The following MMP24 variants were observed in gnomAD, a reference collection of about 807,000 sequenced individuals.
The protein encoded by MMP24 is matrix metallopeptidase 24.
In MMP24, 25 loss-of-function variants were observed where a neutral mutation model predicts 62.8. The observed-to-expected ratio is 0.40, with a 90% CI of 0.29 to 0.56. The LOEUF (loss-of-function observed/expected upper bound fraction) is 0.56, where lower values mean the gene tolerates loss of function less well. MMP24 is among the 20% of genes least tolerant of loss of function. MMP24 has a pLI of 0.50. For missense variants in MMP24, 634 were observed against 853.6 expected (o/e 0.74, Z 3.21); for synonymous variants, 319 against 350.5 (o/e 0.91, Z 1.00).
intron 2 of MMP24, among the ~76,000 whole-genome samples, chr20:35,248,532 T>G (rs896335998): frequency 1.3e-5 from 2 of 152,140 alleles, no homozygotes; most frequent in Non-Finnish European, 2.9e-5. Context: ...GGTCTCGAAC[T>G]CCTGACCTCA....
At chr20:35,249,836 G>A (rs1303269470) in intron 2 of MMP24, among the ~76,000 whole-genome samples, 1 of 151,806 alleles carries the variant, frequency 6.6e-6, no homozygotes, top group Non-Finnish European at 1.5e-5. Flanking sequence ...CTCGTGATCC[G>A]CCCGCCTCGG....
rs565362973 is a variant in MMP24, at chr20:35,272,964, CATT to C, written c.1600+1130_1600+1132del. Among the ~76,000 whole-genome samples, 27 of 152,234 alleles carry C rather than the reference CATT, an allele frequency of 1.8e-4. No individual in the cohort carries two copies. The East Asian group carries it at 3.3e-3, about 18-fold the overall frequency. The stretch of plus-strand genomic sequence containing the variant: ...ATATTTTAGCTGCTATCGTCATCAT[CATT>C]GTCATCATCATGGGTTTCAGTTTAT... On this transcript the variant is annotated intron_variant, in intron 8 of 8. Transcript: ENST00000246186.
rs2060705711 is a variant in MMP24 at position 35,276,331 on chromosome 20, G to C, written c.*1722G>C. On this transcript the variant is annotated 3_prime_UTR_variant, in exon 9 of 9. Coordinates refer to ENST00000246186, the MANE Select transcript of MMP24 (RefSeq NM_006690.4). Reference sequence around the variant, plus strand: ...AGGGAACAACTGCGGAGATATTAGTGATTCATAGGTTTGTACAGTGTTTTA... The same window carrying C: ...AGGGAACAACTGCGGAGATATTAGTCATTCATAGGTTTGTACAGTGTTTTA... 7.5e-6 allele frequency: 3 copies of C among 399,068 alleles called. No individual in the cohort carries two copies. Among genetic ancestry groups the C allele is most frequent in the Non-Finnish European group, 1.3e-5 (3 of 226,080 alleles). 24.7% of individuals were successfully genotyped at this position (399,068 alleles called of 1,614,324 possible).
At chr20:35,237,093 T>A (rs1866701844) in intron 1 of MMP24, among the ~76,000 whole-genome samples, 1 of 151,666 alleles carries the variant, frequency 6.6e-6, no homozygotes, top group African/African-American at 2.4e-5. Flanking sequence ...GAATAGACAA[T>A]AACATTGTAC....
At chr20:35,256,907 T>C (rs1261592335) in intron 4 of MMP24, among the ~76,000 whole-genome samples, 1 of 152,098 alleles carries the variant, frequency 6.6e-6, no homozygotes, top group African/African-American at 2.4e-5. Flanking sequence ...CTACCTGGCC[T>C]GATCATAAGA....
rs368003302 is a variant in MMP24 at position 35,263,643 on chromosome 20, G to T, written c.818-148G>T. The T allele has an allele frequency of 1.6e-4, 93 of 589,566 alleles. 1 individual carries two copies. The Middle Eastern group carries it at 2.8e-3, about 18-fold the overall frequency. 36.5% of individuals were successfully genotyped at this position (589,566 alleles called of 1,614,324 possible). On this transcript the variant is annotated intron_variant, in intron 4 of 8. Transcript: ENST00000246186. ...CTGCAGAGAGGCTTGGGAGGCAGGG[G>T]TTGTGCCTGATTTCTCTGTATGTCC... is the stretch of plus-strand genomic sequence containing the variant.
rs2060565686 is a variant in MMP24, at chr20:35,254,646, G to A, written c.709G>A (p.Gly237Arg). The change falls in exon 4 of 9, where the codon GGA becomes AGA. Residue 237 changes from glycine to arginine, a missense_variant. By Grantham distance (125) the Gly-to-Arg change is moderately radical (BLOSUM62 -2). Around this residue, in one of 3 missense-constraint regions of MMP24, gnomAD observed 23 missense variants for 63.1 expected, o/e 0.36. Transcript: ENST00000246186. ...CCATGGCGACAGCTCCCCATTTGATGGAGAAGGGGGATTCCTGGCCCATGC... is the reference window on the plus strand; with the variant it reads ...CCATGGCGACAGCTCCCCATTTGATAGAGAAGGGGGATTCCTGGCCCATGC... Reference protein sequence around the residue: ...GFHGDSSPFDGEGGFLAHAYF... With the variant: ...GFHGDSSPFDREGGFLAHAYF... 6.2e-7 allele frequency: 1 copy of A among 1,614,070 alleles called. No individual in the cohort carries two copies. The highest frequency in any genetic ancestry group is 1.7e-5 in the Admixed American group (1 of 60,002).
chr20:35,254,872 C>T lies in MMP24; in HGVS notation c.817+118C>T, dbSNP rs140555836. ...GAGCCTCTTGTCCAAGAACTAAGAC[C>T]GTAAGAGGGTGGGAACTGTGATTTC... is the stretch of plus-strand genomic sequence containing the variant. On this transcript the variant is annotated intron_variant, in intron 4 of 8. Transcript: ENST00000246186. 1,854 of 1,161,678 alleles carry T rather than the reference C, an allele frequency of 1.6e-3. 18 individuals are homozygous for T. In the African/African-American group the frequency reaches 0.025, roughly 16 times the overall value. 72.0% of individuals were successfully genotyped at this position (1,161,678 alleles called of 1,614,324 possible).
chr20:35,238,384 G>A (rs547035957), intron 1 of MMP24, among the ~76,000 whole-genome samples: 5 of 152,158 alleles, frequency 3.3e-5, no homozygotes, highest in Admixed American at 6.5e-5. Flanking sequence ...TAAGAATTGC[G>A]ATAAGGAAAC....
chr20:35,274,637 G>C lies in MMP24; in HGVS notation c.*28G>C, dbSNP rs766421861. On this transcript the variant is annotated 3_prime_UTR_variant, in exon 9 of 9. Transcript: ENST00000246186. The surrounding 1 kb of genome is among the most constrained non-coding windows in gnomAD (Gnocchi z 5.1). ...AGCCCAGAGCCCTCTCTATCCACTT[G>C]GTCTGGCCAGCCAGGCCCTTCCTCA... 4 of 1,542,484 alleles carry C rather than the reference G, an allele frequency of 2.6e-6. No homozygotes were observed. Among genetic ancestry groups the C allele is most frequent in the Admixed American group, 1.9e-5 (1 of 52,274 alleles).
Position 35,274,468 on chromosome 20 carries a change from C to T in MMP24, c.1797C>T (p.Ser599=), listed in dbSNP as rs779868110. ...TGACCATCAACGATGTGCCGGGCTC[C>T]GTGAACGCCGTGGCCGTGGTCATCC... ...IMVTINDVPG[S]VNAVAVVIPC... is the part of the protein sequence containing the mutation. Residue 599 remains serine, a synonymous_variant, in exon 9 of 9, where the codon TCC becomes TCT. Coordinates refer to ENST00000246186, the MANE Select transcript of MMP24 (RefSeq NM_006690.4). The surrounding 1 kb of genome is among the most constrained non-coding windows in gnomAD (Gnocchi z 5.1). 4.0e-5 allele frequency: 65 copies of T among 1,613,904 alleles called. 1 individual carries two copies. The highest frequency in any genetic ancestry group is 4.6e-5 in the Non-Finnish European group (54 of 1,179,896).
At chr20:35,251,228 C>T (rs1408599974) in intron 2 of MMP24, among the ~76,000 whole-genome samples, 2 of 152,012 alleles carry the variant, frequency 1.3e-5, no homozygotes, top group Non-Finnish European at 2.9e-5. Flanking sequence ...AAGCAAGTCC[C>T]CTGCCTCGGC....
chr20:35,269,228 CCATT>C lies in MMP24; in HGVS notation c.1195-531_1195-528del, dbSNP rs1456940949. 6.6e-6 allele frequency among the ~76,000 whole-genome samples: 1 copy of C among 152,202 alleles called. No homozygotes were observed. The highest frequency in any genetic ancestry group is 2.4e-5 in the African/African-American group (1 of 41,458). The stretch of plus-strand genomic sequence containing the variant: ...TGCCTAGAATCTCTCATCTGATTCT[CCATT>C]ATTACCTGCACTTGCAGGTGAGGCC... On this transcript the variant is annotated intron_variant, in intron 6 of 8. Transcript: ENST00000246186. This position sits in a 1 kb window ranked among gnomAD's most constrained non-coding sequence, Gnocchi z 4.6.
At chr20:35,237,079 G>T (rs1348601188) in intron 1 of MMP24, among the ~76,000 whole-genome samples, 1 of 152,056 alleles carries the variant, frequency 6.6e-6, no homozygotes, top group African/African-American at 2.4e-5. Context: ...GAGTATGGGA[G>T]CAGGAATAGA....
At position 35,275,771 on chromosome 20, in the gene MMP24, T is replaced by C; in HGVS notation, c.*1162T>C. 2.7e-6 allele frequency: 1 copy of C among 373,536 alleles called. No individual in the cohort carries two copies. The highest frequency in any genetic ancestry group is 3.8e-5 in the East Asian group (1 of 26,094). The allele number at this position is 373,536 out of a possible 1,614,324, so 23.1% of individuals were successfully genotyped here. ...AATCTCTCGGCTGGAAGCAGTGTTT[T>C]CCCAGAGCTTGGCCCTTGCTGACCT... On this transcript the variant is annotated 3_prime_UTR_variant, in exon 9 of 9. Transcript: ENST00000246186.
rs2060672525 is a variant in MMP24 at position 35,271,921 on chromosome 20, G to T, written c.1600+86G>T. On this transcript the variant is annotated intron_variant, in intron 8 of 8. Coordinates refer to ENST00000246186, the MANE Select transcript of MMP24 (RefSeq NM_006690.4). The surrounding 1 kb of genome is among the most constrained non-coding windows in gnomAD (Gnocchi z 4.0). ...GCCCACGGGCATACTCAGTGCCCAT[G>T]GGCGTCCAGGTTTGAAAAAACACCT... 1.1e-5 allele frequency: 15 copies of T among 1,426,730 alleles called. No homozygotes were observed. 88.4% of individuals were successfully genotyped at this position (1,426,730 alleles called of 1,614,324 possible).
At chr20:35,265,604 C>T (rs1321358419) in intron 5 of MMP24, among the ~76,000 whole-genome samples, 2 of 151,786 alleles carry the variant, frequency 1.3e-5, no homozygotes, top group African/African-American at 2.4e-5. Context: ...TTAGGCCGGG[C>T]GCGGTGGCTC....
chr20:35,267,427 C>T lies in MMP24; in HGVS notation c.1194+8C>T. Reference sequence around the variant, plus strand: ...GAGATGTTTGTCTTTAAGGTAGGGCCAATGGATTGGCACCACCCAGCTGGC... The same window carrying T: ...GAGATGTTTGTCTTTAAGGTAGGGCTAATGGATTGGCACCACCCAGCTGGC... On this transcript the variant is annotated splice_region_variant and intron_variant, in intron 6 of 8. Coordinates refer to ENST00000246186, the MANE Select transcript of MMP24 (RefSeq NM_006690.4). 6.4e-7 allele frequency: 1 copy of T among 1,552,018 alleles called. No homozygotes were observed. The highest frequency in any genetic ancestry group is 2.4e-5 in the East Asian group (1 of 40,970).
At chr20:35,272,114 G>A (rs2060673741) in intron 8 of MMP24, 2 of 518,486 alleles carry the variant, frequency 3.9e-6, no homozygotes, top group South Asian at 3.4e-5. Context: ...CTTATCCTCA[G>A]TGTACTCCAG....
Sources: gnomAD v4.1 joint callset for allele counts (sites outside exome capture counted in the v4.1 genomes callset) on GRCh38, gnomAD v4.1.1 for gene constraint, gnomAD v4.1.1 regional missense constraint, Gnocchi (gnomAD v3.1) non-coding constraint, MANE v1.5 for transcripts, NCBI Gene and HGNC (gene_info 2026-07-23, HGNC 2026-07-21) for gene names.